The following CAMTA1 variants were observed in gnomAD, a reference collection of about 807,000 sequenced individuals.
The protein encoded by CAMTA1 is calmodulin-binding transcription activator 1.
Under a neutral mutation model 170.9 loss-of-function variants are expected in CAMTA1, and 27 were observed. That is an observed-to-expected ratio of 0.16 (90% confidence interval 0.12 to 0.22). CAMTA1 has a LOEUF of 0.22. Among genes scored for constraint, CAMTA1 ranks in the 10% least tolerant of loss-of-function variants. CAMTA1 has a pLI of 1.00. For missense variants in CAMTA1, 1,619 were observed against 2,217.2 expected (o/e 0.73, Z 5.42); for synonymous variants, 833 against 891.5 (o/e 0.93, Z 1.17).
chr1:7,198,491 GA>G (rs1448874198), intron 4 of CAMTA1, among the ~76,000 whole-genome samples: 1 of 152,036 alleles, frequency 6.6e-6, no homozygotes, highest in Non-Finnish European at 1.5e-5. Context: ...AAGGTGTCAG[GA>G]ATGTGTCCCT....
At chr1:7,313,834 A>G (rs2149637447) in intron 5 of CAMTA1, among the ~76,000 whole-genome samples, 1 of 152,298 alleles carries the variant, frequency 6.6e-6, no homozygotes. Context: ...GCTGGAAGGC[A>G]GGTTTGGAAG....
chr1:6,991,818 C>T (rs192795681), intron 3 of CAMTA1, among the ~76,000 whole-genome samples: 24 of 152,230 alleles, frequency 1.6e-4, no homozygotes, highest in Admixed American at 3.9e-4. Context: ...CCGGCCTCAG[C>T]CTTCTGAGTA....
At chr1:7,434,608 CAG>C (rs1348815214) in intron 5 of CAMTA1, among the ~76,000 whole-genome samples, 1 of 152,162 alleles carries the variant, frequency 6.6e-6, no homozygotes, top group African/African-American at 2.4e-5. Context: ...GCTCCTGTAA[CAG>C]AGTGTCTGAG....
At chr1:7,454,333 C>T (rs187563578) in intron 5 of CAMTA1, among the ~76,000 whole-genome samples, 82 of 152,286 alleles carry the variant, frequency 5.4e-4, no homozygotes, top group Middle Eastern at 6.8e-3. Flanking sequence ...CAGAGTGCCC[C>T]GTGTCTGGGG....
chr1:7,670,762 C>A, intron 9 of CAMTA1, 149 bp from the exon 10 acceptor site: 1 of 856,764 alleles, frequency 1.2e-6, no homozygotes. Flanking sequence ...TCGGGGCTCA[C>A]TGCAATCCCT....
chr1:7,408,334 T>C (rs962673302), intron 5 of CAMTA1, among the ~76,000 whole-genome samples: 17 of 152,190 alleles, frequency 1.1e-4, no homozygotes, highest in African/African-American at 4.1e-4. Context: ...CGCGTGTCTG[T>C]GGAGTAAGAG....
At chr1:6,837,025 C>T (rs1341710769) in intron 3 of CAMTA1, among the ~76,000 whole-genome samples, 1 of 151,598 alleles carries the variant, frequency 6.6e-6, no homozygotes, top group Non-Finnish European at 1.5e-5. Flanking sequence ...GCAATCTCCG[C>T]TCACTGCAAT....
chr1:6,943,165 G>GCCCTCCTC (rs1217926239), intron 3 of CAMTA1, among the ~76,000 whole-genome samples: 19 of 151,698 alleles, frequency 1.3e-4, no homozygotes, highest in Admixed American at 8.5e-4. Flanking sequence ...AGCCACTCCG[G>GCCCTCCTC]CCCTCCTCCC....
rs1461512047 is a variant in CAMTA1 at position 7,674,964 on chromosome 1, A to G, written c.2780-2635A>G. Among the ~76,000 whole-genome samples, 2 of 152,224 alleles carry G rather than the reference A, an allele frequency of 1.3e-5. No homozygotes were observed. Among genetic ancestry groups the G allele is most frequent in the Non-Finnish European group, 2.9e-5 (2 of 68,038 alleles). On this transcript the variant is annotated intron_variant, in intron 10 of 22. Transcript: ENST00000303635. The surrounding 1 kb of genome is among the most constrained non-coding windows in gnomAD (Gnocchi z 4.1). ...AGCTAATGTTCTACTGCAGGGAGAC[A>G]GAAAACAAACAAGGAGAAAAAGAAA...
rs1288399859 is a variant in CAMTA1 at position 7,482,695 on chromosome 1, T to G, written c.510+14794T>G. Among the ~76,000 whole-genome samples the G allele has an allele frequency of 1.3e-5, 2 of 152,178 alleles. No homozygotes were observed. Among genetic ancestry groups the G allele is most frequent in the African/African-American group, 4.8e-5 (2 of 41,434 alleles). ...AATTCGGGGCAGAAACGTTTGTTGA[T>G]CCTGAATTGCTAAAAGGTTTCTTAG... is the stretch of plus-strand genomic sequence containing the variant. On this transcript the variant is annotated intron_variant, in intron 6 of 22. Coordinates refer to ENST00000303635, the MANE Select transcript of CAMTA1 (RefSeq NM_015215.4). The surrounding 1 kb of genome is among the most constrained non-coding windows in gnomAD (Gnocchi z 4.2).
chr1:7,566,938 G>T, intron 6 of CAMTA1, among the ~76,000 whole-genome samples: 1 of 152,210 alleles, frequency 6.6e-6, no homozygotes, highest in East Asian at 1.9e-4. Context: ...TTGCCTGCTA[G>T]TAGGAAGGAG....
intron 5 of CAMTA1, among the ~76,000 whole-genome samples, chr1:7,348,828 G>A (rs377188254): frequency 3.9e-4 from 59 of 152,282 alleles, no homozygotes; most frequent in East Asian, 2.1e-3. Context: ...ACTGTATTAC[G>A]ACCCTCATTA....
intron 3 of CAMTA1, among the ~76,000 whole-genome samples, chr1:7,046,801 G>C (rs1340003245): frequency 2.0e-5 from 3 of 152,198 alleles, no homozygotes; most frequent in Non-Finnish European, 4.4e-5. Flanking sequence ...AAAAATGCAA[G>C]TACAGATAGT....
intron 6 of CAMTA1, among the ~76,000 whole-genome samples, chr1:7,527,023 G>A (rs1194068731): frequency 2.0e-5 from 3 of 152,066 alleles, no homozygotes; most frequent in South Asian, 2.1e-4. Context: ...GGCTATCACC[G>A]GGGCATGCAG....
intron 1 of CAMTA1, chr1:6,807,016 A>G: frequency 1.5e-6 from 1 of 670,458 alleles, no homozygotes; most frequent in Non-Finnish European, 2.7e-6. Flanking sequence ...CTCTGTCCTT[A>G]TGGAGCTAAG....
At chr1:7,020,621 T>C (rs1033177676) in intron 3 of CAMTA1, among the ~76,000 whole-genome samples, 1 of 152,214 alleles carries the variant, frequency 6.6e-6, no homozygotes, top group Non-Finnish European at 1.5e-5. Context: ...GGCTGAGGGC[T>C]CATGCCCCTC....
intron 3 of CAMTA1, among the ~76,000 whole-genome samples, chr1:6,996,227 G>T (rs1235730123): frequency 6.6e-6 from 1 of 152,178 alleles, no homozygotes; most frequent in Admixed American, 6.5e-5. Flanking sequence ...AGTATGAGTT[G>T]CATTTTTCTG....
At position 7,661,462 on chromosome 1, in the gene CAMTA1, C is replaced by T. The variant is rs114222977; in HGVS notation, c.665-264C>T. Among the ~76,000 whole-genome samples the T allele has an allele frequency of 1.7e-3, 257 of 152,332 alleles. 4 individuals carry two copies. The highest frequency in any genetic ancestry group is 5.9e-3 in the African/African-American group (245 of 41,570). On this transcript the variant is annotated intron_variant, in intron 7 of 22. Transcript: ENST00000303635. ...TGACTTTAGGGAAACAAAAGCAGAA[C>T]TCTATGCGGTCCACTCCCTGGGCTG... is the stretch of plus-strand genomic sequence containing the variant.
At chr1:6,804,174 CTCTT>C (rs1222928464) in intron 1 of CAMTA1, among the ~76,000 whole-genome samples, 1 of 144,710 alleles carries the variant, frequency 6.9e-6, no homozygotes, top group Non-Finnish European at 1.5e-5. Context: ...ACGAGCGAAA[CTCTT>C]TTTTTTTTTT....
Sources: gnomAD v4.1 joint callset for allele counts (sites outside exome capture counted in the v4.1 genomes callset) on GRCh38, gnomAD v4.1.1 for gene constraint, Gnocchi (gnomAD v3.1) non-coding constraint, MANE v1.5 for transcripts, NCBI Gene and HGNC (gene_info 2026-07-23, HGNC 2026-07-21) for gene names.